Variants in CADM1 observed in about 807,000 individuals in gnomAD.
CADM1 encodes the protein cell adhesion molecule 1.
Under a neutral mutation model 53.1 loss-of-function variants are expected in CADM1, and 15 were observed. The ratio of observed to expected loss-of-function variants is 0.28; its 90% CI spans 0.19 to 0.44. CADM1 has a LOEUF of 0.44. Ranked by LOEUF, CADM1 falls within the 20% of genes least tolerant of loss-of-function variation. The pLI is 1.00. For missense variants in CADM1, 434 were observed against 611.3 expected (o/e 0.71, Z 3.06); for synonymous variants, 281 against 243.0 (o/e 1.16, Z -1.45).
intron 1 of CADM1, among the ~76,000 whole-genome samples, chr11:115,449,893 T>A (rs971713864): frequency 1.3e-5 from 2 of 152,202 alleles, no homozygotes; most frequent in African/African-American, 4.8e-5. Flanking sequence ...ATTTTATTTT[T>A]CATTTTATGC....
chr11:115,495,367 A>T (rs770191425), intron 1 of CADM1, among the ~76,000 whole-genome samples: 1 of 152,172 alleles, frequency 6.6e-6, no homozygotes, highest in South Asian at 2.1e-4. Flanking sequence ...AAGATAATCA[A>T]CTTTTAAAAT....
intron 1 of CADM1, among the ~76,000 whole-genome samples, chr11:115,255,103 G>A (rs1383439749): frequency 3.3e-5 from 5 of 152,090 alleles, no homozygotes; most frequent in South Asian, 2.1e-4. Flanking sequence ...AGCAGGAGTC[G>A]AGAATACTTC....
intron 10 of CADM1, among the ~76,000 whole-genome samples, chr11:115,190,403 C>T (rs1443125054): frequency 6.6e-6 from 1 of 152,092 alleles, no homozygotes; most frequent in Non-Finnish European, 1.5e-5. Flanking sequence ...TTGCTTCCCC[C>T]TCCTCCCTGC....
chr11:115,443,001 C>G (rs1020299244), intron 1 of CADM1, among the ~76,000 whole-genome samples: 3 of 152,352 alleles, frequency 2.0e-5, no homozygotes, highest in Admixed American at 2.0e-4. Flanking sequence ...CATTTCTCCT[C>G]TAAGCATATG....
intron 1 of CADM1, among the ~76,000 whole-genome samples, chr11:115,435,103 C>T (rs1461973377): frequency 6.6e-6 from 1 of 151,758 alleles, no homozygotes; most frequent in Non-Finnish European, 1.5e-5. Flanking sequence ...TCAGGTGATC[C>T]GCCCACCTCG....
At chr11:115,279,106 G>A (rs931429785) in intron 1 of CADM1, among the ~76,000 whole-genome samples, 1 of 152,128 alleles carries the variant, frequency 6.6e-6, no homozygotes, top group African/African-American at 2.4e-5. Context: ...GAGACCACTG[G>A]TAAGACGATC....
intron 1 of CADM1, among the ~76,000 whole-genome samples, chr11:115,374,235 G>A (rs1946383758): frequency 6.6e-6 from 1 of 152,172 alleles, no homozygotes; most frequent in African/African-American, 2.4e-5. Flanking sequence ...CATAATAAAA[G>A]AGTCTTCCAC....
intron 1 of CADM1, among the ~76,000 whole-genome samples, chr11:115,457,893 A>C (rs1454637155): frequency 1.3e-5 from 2 of 152,236 alleles, no homozygotes; most frequent in South Asian, 2.1e-4. Context: ...CAATGTGGAC[A>C]GTATGGAATA....
chr11:115,373,988 A>T (rs925711323), intron 1 of CADM1, among the ~76,000 whole-genome samples: 1 of 152,236 alleles, frequency 6.6e-6, no homozygotes, highest in Non-Finnish European at 1.5e-5. Flanking sequence ...CAACAACAAT[A>T]CATTGCCTAG....
In CADM1 at chr11:115,503,007, G is replaced by A. The variant is rs314466; in HGVS notation, c.124+1264C>T. Among the ~76,000 whole-genome samples, 529 of 152,276 alleles carry A rather than the reference G, an allele frequency of 3.5e-3. 4 individuals are homozygous for A. The highest frequency in any genetic ancestry group is 0.012 in the African/African-American group (483 of 41,570). ...TGGAGCTGCAAGGAGGGGCTTTGCA[G>A]GCTCAGAGCCCTGCTGCATCCCCTC... On this transcript the variant is annotated intron_variant, in intron 1 of 11. Transcript: ENST00000331581.
At chr11:115,329,951 G>A (rs571655993) in intron 1 of CADM1, among the ~76,000 whole-genome samples, 8 of 151,036 alleles carry the variant, frequency 5.3e-5, no homozygotes, top group South Asian at 2.1e-4. Context: ...TCTCTACCAC[G>A]TCACTGCTGC....
chr11:115,265,097 C>CAG (rs1943096401), intron 1 of CADM1, among the ~76,000 whole-genome samples: 3 of 152,192 alleles, frequency 2.0e-5, no homozygotes, highest in Admixed American at 2.0e-4. Context: ...ATATTGTTTA[C>CAG]TGGACTGCCT....
chr11:115,320,188 G>A (rs751608049), intron 1 of CADM1, among the ~76,000 whole-genome samples: 13 of 151,978 alleles, frequency 8.6e-5, no homozygotes, highest in South Asian at 2.1e-4. Context: ...TCAGGCTCCC[G>A]AGCAGCTGGG....
chr11:115,434,629 C>T (rs1458237031), intron 1 of CADM1, among the ~76,000 whole-genome samples: 4 of 152,184 alleles, frequency 2.6e-5, no homozygotes, highest in Non-Finnish European at 4.4e-5. Flanking sequence ...GGGTACAGCC[C>T]TTACCCCAGC....
chr11:115,446,702 T>A (rs1948458163), intron 1 of CADM1, among the ~76,000 whole-genome samples: 1 of 152,154 alleles, frequency 6.6e-6, no homozygotes, highest in Admixed American at 6.5e-5. Flanking sequence ...AAAAGTGAGA[T>A]AAACCTATGT....
At chr11:115,344,971 A>T (rs1945539612) in intron 1 of CADM1, among the ~76,000 whole-genome samples, 1 of 152,190 alleles carries the variant, frequency 6.6e-6, no homozygotes, top group Admixed American at 6.5e-5. Context: ...ATTCTCCAGC[A>T]TCCCAGGTTT....
At chr11:115,223,203 T>G (rs187297832) in intron 5 of CADM1, among the ~76,000 whole-genome samples, 13 of 152,318 alleles carry the variant, frequency 8.5e-5, no homozygotes, top group Non-Finnish European at 1.6e-4. Flanking sequence ...AATTTTGTTT[T>G]TCTTTTGGAA....
At chr11:115,385,172 A>G (rs550327630) in intron 1 of CADM1, among the ~76,000 whole-genome samples, 78 of 144,008 alleles carry the variant, frequency 5.4e-4, no homozygotes, top group African/African-American at 1.9e-3. Flanking sequence ...TATTTGTAAA[A>G]TGTGCTTTCC....
chr11:115,372,171 C>T (rs1946324905), intron 1 of CADM1, among the ~76,000 whole-genome samples: 1 of 152,146 alleles, frequency 6.6e-6, no homozygotes, highest in Non-Finnish European at 1.5e-5. Context: ...AAAGTCTGTA[C>T]TCCATGCAAA....
Sources: allele counts gnomAD v4.1 joint callset (sites outside exome capture counted in the v4.1 genomes callset), GRCh38; gene constraint gnomAD v4.1.1; transcripts MANE v1.5; gene names NCBI Gene and HGNC (gene_info 2026-07-23, HGNC 2026-07-21).